Variants in DNAH17 observed in about 807,000 individuals in gnomAD.
DNAH17 encodes the protein dynein axonemal heavy chain 17.
DNAH17 carries 376 observed loss-of-function variants against 485.6 expected under a neutral mutation model. The ratio of observed to expected loss-of-function variants is 0.77; its 90% CI spans 0.71 to 0.84. The LOEUF is 0.84. Ranked by LOEUF, DNAH17 falls within the 40% of genes least tolerant of loss-of-function variation. The pLI, the probability that DNAH17 is intolerant of heterozygous loss-of-function variation, is 0.00. For synonymous variants in DNAH17, 3,031 were observed against 2,405.9 expected, an observed-to-expected ratio of 1.26 and a Z score of -7.60; for missense variants, 6,370 against 5,839.3, an observed-to-expected ratio of 1.09 and a Z score of -2.96.
At chr17:78,538,532 A>G (rs567851739) in intron 18 of DNAH17, among the ~76,000 whole-genome samples, 137 of 152,306 alleles carry the variant, frequency 9.0e-4, no homozygotes, top group Middle Eastern at 6.8e-3. Context: ...AGGGGGCTGT[A>G]TCAGTATCTG....
chr17:78,437,576 C>T (rs1037112159), intron 74 of DNAH17, 65 bp downstream of exon 74: 9 of 1,407,034 alleles, frequency 6.4e-6, no homozygotes, highest in Non-Finnish European at 8.7e-6. Context: ...TCCTCGGGGC[C>T]CCAAGGGATG....
chr17:78,465,107 GT>G (rs2088354937), intron 56 of DNAH17, among the ~76,000 whole-genome samples: 1 of 152,128 alleles, frequency 6.6e-6, no homozygotes, highest in Non-Finnish European at 1.5e-5. Flanking sequence ...CGCCTGACTG[GT>G]TTTGGTGGAG....
intron 16 of DNAH17, among the ~76,000 whole-genome samples, chr17:78,550,109 G>A (rs915419723): frequency 2.0e-5 from 3 of 152,150 alleles, no homozygotes; most frequent in African/African-American, 7.2e-5. Flanking sequence ...GAGCAGACAG[G>A]GAGGTGTGGG....
chr17:78,458,494 G>A (rs1477778389), intron 62 of DNAH17, 71 bp downstream of exon 62: 30 of 1,332,824 alleles, frequency 2.3e-5, no homozygotes, highest in Middle Eastern at 2.1e-4. Flanking sequence ...TTCCTCCCAA[G>A]GCAGTTGTGT....
chr17:78,478,327 C>T (rs1467790893), intron 51 of DNAH17, among the ~76,000 whole-genome samples: 5 of 140,972 alleles, frequency 3.5e-5, no homozygotes, highest in Non-Finnish European at 7.5e-5. Flanking sequence ...ACCACCACCA[C>T]CATTATCACC....
chr17:78,558,373 G>C (rs929434984), intron 13 of DNAH17, 119 bp from the exon 14 acceptor site: 21 of 1,255,070 alleles, frequency 1.7e-5, no homozygotes, highest in Non-Finnish European at 2.3e-5. Flanking sequence ...GGATCTCAAA[G>C]TTGGTGGGAG....
Position 78,559,795 on chromosome 17 carries a change from C to T in DNAH17, c.2031+945G>A, listed in dbSNP as rs573335063. On this transcript the variant is annotated intron_variant, in intron 13 of 80. Coordinates refer to ENST00000389840, the MANE Select transcript of DNAH17 (RefSeq NM_173628.4). ...TCGTCACCTCTCATCTCTTCTCCTA[C>T]GACCTTCCCCTTTGCCCATTCCCCC... Among the ~76,000 whole-genome samples, 101 of 152,232 alleles carry T rather than the reference C, an allele frequency of 6.6e-4. 1 individual carries two copies. The Middle Eastern group carries it at 0.014, about 21-fold the overall frequency.
chr17:78,512,528 G>A (rs961175280), intron 26 of DNAH17, among the ~76,000 whole-genome samples: 1 of 152,122 alleles, frequency 6.6e-6, no homozygotes, highest in African/African-American at 2.4e-5. Context: ...ATTTTGAGCT[G>A]AAGGCACTTG....
At chr17:78,501,485 A>C in intron 34 of DNAH17, 141 bp from the exon 35 acceptor site, 1 of 1,088,424 alleles carries the variant, frequency 9.2e-7, no homozygotes, top group Non-Finnish European at 1.3e-6. Flanking sequence ...CAGCACCCAC[A>C]TCCAACTGTA....
chr17:78,460,377 T>C lies in DNAH17; in HGVS notation c.9340-120A>G. On this transcript the variant is annotated intron_variant, in intron 58 of 80. Coordinates refer to ENST00000389840, the MANE Select transcript of DNAH17 (RefSeq NM_173628.4). ...GTGCATGTATGCACGTGCATGAGTGTATGTGTGCATATATGTGCATGAGTG... is the reference window on the plus strand; with the variant it reads ...GTGCATGTATGCACGTGCATGAGTGCATGTGTGCATATATGTGCATGAGTG... The C allele has an allele frequency of 2.2e-5, 17 of 781,122 alleles. No homozygotes were observed. In the African/African-American group the frequency reaches 2.2e-4, roughly 10 times the overall value. 48.4% of individuals were successfully genotyped at this position (781,122 alleles called of 1,614,324 possible). A position where few individuals can be genotyped will look rare whatever the true frequency, so the allele number is the denominator to read the frequency against.
At chr17:78,485,075 AG>A in intron 47 of DNAH17, 42 bp from the exon 48 acceptor site, 1 of 1,556,838 alleles carries the variant, frequency 6.4e-7, no homozygotes, top group Non-Finnish European at 8.7e-7. Context: ...GCGCCTCCTG[AG>A]CCAGAGCCTG....
intron 3 of DNAH17, 80 bp from the exon 4 acceptor site, chr17:78,571,862 GC>G: frequency 7.2e-7 from 1 of 1,380,130 alleles, no homozygotes. Context: ...GAATCCTTCT[GC>G]CCACCAATCC....
chr17:78,555,541 C>CAAAA (rs1162901414), intron 14 of DNAH17, among the ~76,000 whole-genome samples: 3 of 7,132 alleles, frequency 4.2e-4, no homozygotes, highest in Admixed American at 1.5e-3. Context: ...AAGATTCCGT[C>CAAAA]ACAAAAAAAA....
intron 26 of DNAH17, chr17:78,510,803 G>A (rs968258229): frequency 2.4e-5 from 8 of 328,670 alleles, no homozygotes; most frequent in Admixed American, 1.1e-4. Context: ...CACCTTATTT[G>A]GAAATAGGGT....
Position 78,486,146 on chromosome 17 carries a change from A to G in DNAH17, c.7102-13T>C. Reference sequence around the variant, plus strand: ...GATAATCCACAAGCTGTTGAGACACAGAAGTAAAAATCAGGGCCCAGCTAA... The same window carrying G: ...GATAATCCACAAGCTGTTGAGACACGGAAGTAAAAATCAGGGCCCAGCTAA... On this transcript the variant is annotated splice_polypyrimidine_tract_variant and intron_variant, in intron 45 of 80. Coordinates refer to ENST00000389840, the MANE Select transcript of DNAH17 (RefSeq NM_173628.4). The G allele has an allele frequency of 6.2e-7, 1 of 1,610,744 alleles. No homozygotes were observed. The highest frequency in any genetic ancestry group is 8.5e-7 in the Non-Finnish European group (1 of 1,177,942).
chr17:78,481,920 CAGG>C (rs562322921), intron 48 of DNAH17, among the ~76,000 whole-genome samples: 68 of 152,166 alleles, frequency 4.5e-4, no homozygotes, highest in African/African-American at 1.4e-3. Context: ...GAGGCTGAGG[CAGG>C]AGAATTGCTT....
In DNAH17 at chr17:78,458,994, C is replaced by T. The variant is rs1406167647; in HGVS notation, c.9861+7G>A. Reference sequence around the variant, plus strand: ...TTTCGCAGGGACGGGAGCGAGCCGGCACTTACGGCAATCTTGTTTTTGATC... The same window carrying T: ...TTTCGCAGGGACGGGAGCGAGCCGGTACTTACGGCAATCTTGTTTTTGATC... On this transcript the variant is annotated splice_region_variant and intron_variant, in intron 61 of 80. Coordinates refer to ENST00000389840, the MANE Select transcript of DNAH17 (RefSeq NM_173628.4). 6.2e-7 allele frequency: 1 copy of T among 1,613,934 alleles called. No homozygotes were observed. The highest frequency in any genetic ancestry group is 8.5e-7 in the Non-Finnish European group (1 of 1,179,842).
At chr17:78,524,505 C>A (rs1000512886) in intron 25 of DNAH17, among the ~76,000 whole-genome samples, 5 of 152,286 alleles carry the variant, frequency 3.3e-5, no homozygotes, top group African/African-American at 9.6e-5. Context: ...ACTTCCACCA[C>A]ATGAGGATGC....
At chr17:78,538,243 G>A (rs2091431183) in intron 18 of DNAH17, among the ~76,000 whole-genome samples, 2 of 152,156 alleles carry the variant, frequency 1.3e-5, no homozygotes, top group Admixed American at 1.3e-4. Context: ...GGTACTGCAG[G>A]GGCTGGCCAA....
Sources: allele counts gnomAD v4.1 joint callset (sites outside exome capture counted in the v4.1 genomes callset), GRCh38; gene constraint gnomAD v4.1.1; transcripts MANE v1.5; gene names NCBI Gene and HGNC (gene_info 2026-07-23, HGNC 2026-07-21).